SYT16: variants seen among roughly 807,000 people sequenced by gnomAD.
The protein encoded by SYT16 is synaptotagmin-16.
SYT16 carries 42 observed loss-of-function variants against 61.4 expected under a neutral mutation model. That is an observed-to-expected ratio of 0.68 (90% CI 0.53 to 0.89). The LOEUF is 0.89. Among genes scored for constraint, SYT16 ranks in the 40% least tolerant of loss-of-function variants. The probability of loss-of-function intolerance (pLI) is 0.00; values close to 1 mark genes in which losing one functional copy is unlikely to be tolerated. For synonymous variants in SYT16, 314 were observed against 302.3 expected (o/e 1.04, Z -0.40); for missense variants, 804 against 807.3 (o/e 1.00, Z 0.05).
intron 3 of SYT16, among the ~76,000 whole-genome samples, chr14:62,031,784 CGGG>C (rs768157769): frequency 3.3e-5 from 5 of 151,962 alleles, no homozygotes; most frequent in Non-Finnish European, 7.4e-5. Flanking sequence ...TCCTTGACAC[CGGG>C]GAAACAAGCC....
At chr14:61,892,206 C>T (rs1291369961) in intron 1 of SYT16, among the ~76,000 whole-genome samples, 6 of 152,012 alleles carry the variant, frequency 3.9e-5, no homozygotes, top group African/African-American at 1.5e-4. Flanking sequence ...TTCCCCTGAC[C>T]CTCCGTCTCT....
intron 3 of SYT16, among the ~76,000 whole-genome samples, chr14:62,060,090 C>G (rs1595306284): frequency 1.3e-5 from 2 of 152,046 alleles, no homozygotes; most frequent in African/African-American, 4.8e-5. Flanking sequence ...ATTATTTTGA[C>G]TACTCTAGGT....
At chr14:61,849,862 G>A (rs756710691) in intron 1 of SYT16, among the ~76,000 whole-genome samples, 18 of 152,184 alleles carry the variant, frequency 1.2e-4, no homozygotes, top group Non-Finnish European at 2.5e-4. Flanking sequence ...CTGAAGGGAG[G>A]ATGGTTGGTG....
chr14:61,956,575 G>T (rs909175020), intron 1 of SYT16, among the ~76,000 whole-genome samples: 1 of 151,870 alleles, frequency 6.6e-6, no homozygotes, highest in East Asian at 1.9e-4. Flanking sequence ...TCCCAATTGC[G>T]TACTCTTGAC....
chr14:61,909,214 C>A (rs760599308), intron 1 of SYT16, among the ~76,000 whole-genome samples: 25 of 152,154 alleles, frequency 1.6e-4, no homozygotes, highest in Non-Finnish European at 4.4e-5. Context: ...GCAACTTTTA[C>A]TTTATGTTCT....
intron 3 of SYT16, among the ~76,000 whole-genome samples, chr14:62,066,730 C>T (rs1420268175): frequency 1.3e-5 from 2 of 152,130 alleles, no homozygotes; most frequent in Non-Finnish European, 2.9e-5. Context: ...TTTATGGTTT[C>T]CAATTCACAT....
chr14:61,962,544 T>C (rs1013679980), intron 1 of SYT16, among the ~76,000 whole-genome samples: 13 of 152,188 alleles, frequency 8.5e-5, no homozygotes, highest in Non-Finnish European at 1.5e-5. Flanking sequence ...TGGATGTCTA[T>C]GTTCCTCCCA....
intron 1 of SYT16, among the ~76,000 whole-genome samples, chr14:61,894,078 G>A (rs2048235295): frequency 1.3e-5 from 2 of 152,208 alleles, no homozygotes; most frequent in African/African-American, 2.4e-5. Context: ...GAGGTCAGGA[G>A]TTCGAGACCA....
chr14:61,942,321 G>C (rs1164689300), intron 1 of SYT16, among the ~76,000 whole-genome samples: 1 of 152,140 alleles, frequency 6.6e-6, no homozygotes, highest in Non-Finnish European at 1.5e-5. Context: ...CTTGAAGTTA[G>C]AAATCAAGTT....
intron 3 of SYT16, among the ~76,000 whole-genome samples, chr14:62,013,135 G>T (rs2140716716): frequency 6.6e-6 from 1 of 152,298 alleles, no homozygotes; most frequent in Non-Finnish European, 1.5e-5. Flanking sequence ...TCATTGAAAT[G>T]TTATGAGGTA....
intron 1 of SYT16, among the ~76,000 whole-genome samples, chr14:61,877,207 A>G (rs908625828): frequency 6.6e-6 from 1 of 151,956 alleles, no homozygotes; most frequent in African/African-American, 2.4e-5. Context: ...GCGGTGGTGG[A>G]GTGCAGTACT....
intron 1 of SYT16, among the ~76,000 whole-genome samples, chr14:61,877,387 C>T (rs964226320): frequency 7.9e-5 from 12 of 152,144 alleles, no homozygotes; most frequent in African/African-American, 2.9e-4. Flanking sequence ...TATGAGGACT[C>T]CACTTCCTGT....
chr14:61,819,456 A>G (rs2045548025), intron 1 of SYT16, among the ~76,000 whole-genome samples: 1 of 152,212 alleles, frequency 6.6e-6, no homozygotes, highest in Admixed American at 6.5e-5. Context: ...GGTAGTTTAC[A>G]TTTATGGATG....
intron 3 of SYT16, among the ~76,000 whole-genome samples, chr14:62,022,162 A>T (rs79231486): frequency 1.3e-5 from 2 of 151,916 alleles, no homozygotes; most frequent in Non-Finnish European, 2.9e-5. Flanking sequence ...CTACATTTCC[A>T]TAATTCCATA....
chr14:62,060,855 GTTCT>G (rs1156523225), intron 3 of SYT16, among the ~76,000 whole-genome samples: 2 of 151,972 alleles, frequency 1.3e-5, no homozygotes, highest in Non-Finnish European at 2.9e-5. Context: ...GTTGAGAAAT[GTTCT>G]TTCTTTCTCT....
chr14:62,001,030 C>A (rs543980063), intron 3 of SYT16, among the ~76,000 whole-genome samples: 32 of 151,964 alleles, frequency 2.1e-4, no homozygotes, highest in African/African-American at 7.7e-4. Flanking sequence ...CCACTGCACT[C>A]CAGCCTAGGT....
intron 1 of SYT16, among the ~76,000 whole-genome samples, chr14:61,924,183 G>A (rs1020279285): frequency 1.3e-5 from 2 of 152,146 alleles, no homozygotes; most frequent in Non-Finnish European, 2.9e-5. Context: ...TAGGGGGCAT[G>A]GAGAGATACA....
At chr14:61,927,015 G>A (rs2049566381) in intron 1 of SYT16, among the ~76,000 whole-genome samples, 2 of 152,194 alleles carry the variant, frequency 1.3e-5, no homozygotes, top group South Asian at 2.1e-4. Flanking sequence ...GACTCCTCCT[G>A]TATGAAACAG....
intron 7 of SYT16, among the ~76,000 whole-genome samples, chr14:62,089,434 G>A (rs1385976876): frequency 1.3e-5 from 2 of 151,802 alleles, no homozygotes; most frequent in Non-Finnish European, 2.9e-5. Context: ...TCTTCTTTTC[G>A]AACTTCATTT....
Sources: allele counts gnomAD v4.1 joint callset (sites outside exome capture counted in the v4.1 genomes callset), GRCh38; gene constraint gnomAD v4.1.1; transcripts MANE v1.5; gene names NCBI Gene and HGNC (gene_info 2026-07-23, HGNC 2026-07-21).